Variants in ABI1 observed in about 807,000 individuals in gnomAD.
ABI1 encodes the protein Abelson interactor 1.
In ABI1, 14 loss-of-function variants were observed where a neutral mutation model predicts 54.6. The ratio of observed to expected loss-of-function variants is 0.26; its 90% CI spans 0.17 to 0.40. The LOEUF is 0.40. Among genes scored for constraint, ABI1 ranks in the 10% least tolerant of loss-of-function variants. ABI1 has a pLI of 1.00. For missense variants in ABI1, 443 were observed against 598.3 expected (o/e 0.74, Z 2.71); for synonymous variants, 194 against 209.3 (o/e 0.93, Z 0.63).
At chr10:26,790,037 TG>T (rs1404569527) in intron 2 of ABI1, among the ~76,000 whole-genome samples, 1 of 152,250 alleles carries the variant, frequency 6.6e-6, no homozygotes, top group East Asian at 1.9e-4. Context: ...CTATCACTGA[TG>T]GGACATTTAG....
At chr10:26,832,511 G>A (rs1213536535) in intron 1 of ABI1, among the ~76,000 whole-genome samples, 2 of 152,052 alleles carry the variant, frequency 1.3e-5, no homozygotes, top group Non-Finnish European at 2.9e-5. Flanking sequence ...GTGAACCCAG[G>A]AGGCGGAGCT....
In ABI1 at chr10:26,860,370, G is replaced by T. The variant is rs917359687; in HGVS notation, c.117+377C>A. Among the ~76,000 whole-genome samples the T allele has an allele frequency of 6.6e-6, 1 of 152,068 alleles. No individual in the cohort carries two copies. The highest frequency in any genetic ancestry group is 6.5e-5 in the Admixed American group (1 of 15,274). On this transcript the variant is annotated intron_variant, in intron 1 of 10. Transcript: ENST00000376140. This position sits in a 1 kb window ranked among gnomAD's most constrained non-coding sequence, Gnocchi z 4.1. ...AGAGAGGCGGCGCGGCGGCAGCTCG[G>T]GGGTATTCCGGGACTCCAGCCCTGC...
chr10:26,832,230 T>C (rs1480068129), intron 1 of ABI1, among the ~76,000 whole-genome samples: 1 of 152,190 alleles, frequency 6.6e-6, no homozygotes, highest in African/African-American at 2.4e-5. Context: ...GGGCAGTTAC[T>C]AGAATTCATG....
intron 1 of ABI1, among the ~76,000 whole-genome samples, chr10:26,855,954 G>A (rs1478296781): frequency 1.6e-5 from 2 of 122,980 alleles, no homozygotes; most frequent in Non-Finnish European, 1.6e-5. Flanking sequence ...CTGGGTGACA[G>A]AGCAAGACTC....
At chr10:26,770,452 C>G in intron 4 of ABI1, 107 bp from the exon 5 acceptor site, 1 of 1,134,404 alleles carries the variant, frequency 8.8e-7, no homozygotes, top group Non-Finnish European at 1.3e-6. Flanking sequence ...TTAAGGATTC[C>G]CAGACAGTTT....
In ABI1 at chr10:26,858,454, CT is replaced by C. The variant is rs375525589; in HGVS notation, c.117+2292del. On this transcript the variant is annotated intron_variant, in intron 1 of 10. Coordinates refer to ENST00000376140, the MANE Select transcript of ABI1 (RefSeq NM_001012750.3). ...AGATAATCATTGCTTTGCGTGAATT[CT>C]TTTTTTTTTTTTCCAATATGAACAA... Among the ~76,000 whole-genome samples, 277 of 117,970 alleles carry C rather than the reference CT, an allele frequency of 2.3e-3. 1 individual carries two copies. The highest frequency in any genetic ancestry group is 3.6e-3 in the African/African-American group (115 of 32,308). 77.4% of individuals were successfully genotyped at this position (117,970 alleles called of 152,430 possible). A position where few individuals can be genotyped will look rare whatever the true frequency, so the allele number is the denominator to read the frequency against.
intron 1 of ABI1, among the ~76,000 whole-genome samples, chr10:26,832,309 G>T (rs929156601): frequency 6.6e-6 from 1 of 152,132 alleles, no homozygotes; most frequent in African/African-American, 2.4e-5. Flanking sequence ...TTGGCCGGGC[G>T]CAGTGGCTCA....
rs541082889 is a variant in ABI1, at chr10:26,773,798, A to G, written c.463-2709T>C. On this transcript the variant is annotated intron_variant, in intron 3 of 10. Coordinates refer to ENST00000376140, the MANE Select transcript of ABI1 (RefSeq NM_001012750.3). ...ACAATTAACTTCTAACCAATCAAAT[A>G]TTTTGCTTGTCTTGCTTTCTTGAAC... is the stretch of plus-strand genomic sequence containing the variant. Among the ~76,000 whole-genome samples the G allele has an allele frequency of 2.6e-5, 4 of 152,084 alleles. No homozygotes were observed. The South Asian group carries it at 8.3e-4, about 31-fold the overall frequency.
intron 7 of ABI1, among the ~76,000 whole-genome samples, chr10:26,765,013 T>C (rs1338866698): frequency 6.6e-6 from 1 of 151,230 alleles, no homozygotes; most frequent in Admixed American, 6.6e-5. Flanking sequence ...ATGCAGTATA[T>C]ATAAGGAGAA....
intron 2 of ABI1, among the ~76,000 whole-genome samples, chr10:26,783,043 G>C (rs7091364): frequency 0.23 from 35,240 of 152,048 alleles, 4,650 homozygotes; most frequent in African/African-American, 0.35. Context: ...GCCAAAAGAT[G>C]AAAGTAACCC....
chr10:26,844,952 C>A (rs2049861983), intron 1 of ABI1, among the ~76,000 whole-genome samples: 1 of 152,176 alleles, frequency 6.6e-6, no homozygotes, highest in South Asian at 2.1e-4. Context: ...CTTCTCCAAT[C>A]CATCCCGTAC....
At chr10:26,831,522 G>A (rs1045900186) in intron 1 of ABI1, among the ~76,000 whole-genome samples, 5 of 151,992 alleles carry the variant, frequency 3.3e-5, no homozygotes, top group African/African-American at 1.2e-4. Context: ...CAGCCTGGGC[G>A]ACAAAGCGAG....
intron 6 of ABI1, among the ~76,000 whole-genome samples, chr10:26,768,415 G>A (rs112375155): frequency 2.3e-4 from 35 of 151,626 alleles, no homozygotes; most frequent in African/African-American, 8.0e-4. Flanking sequence ...GCTCAGGCCT[G>A]TAATCCCAGC....
intron 2 of ABI1, among the ~76,000 whole-genome samples, chr10:26,810,730 A>G (rs926410668): frequency 1.3e-5 from 2 of 152,172 alleles, no homozygotes; most frequent in Admixed American, 1.3e-4. Context: ...GGACCCCTGC[A>G]CTAGATTAAC....
rs1352697355 is a variant in ABI1 at position 26,843,467 on chromosome 10, AAAAAAAAAAAAAAAAAAAATATAT to A, written c.117+17256_117+17279del. On this transcript the variant is annotated intron_variant, in intron 1 of 10. Transcript: ENST00000376140. ...AGACTCCGTCTCAAAAAAAAAAAAA[AAAAAAAAAAAAAAAAAAAATATAT>A]ATATATATATATATATATATATATG... 3.7e-3 allele frequency among the ~76,000 whole-genome samples: 308 copies of A among 82,210 alleles called. 2 individuals carry two copies. Among genetic ancestry groups the A allele is most frequent in the East Asian group, 0.03 (69 of 2,308 alleles). 53.9% of individuals were successfully genotyped at this position (82,210 alleles called of 152,430 possible).
intron 1 of ABI1, among the ~76,000 whole-genome samples, chr10:26,833,351 T>C (rs1424672421): frequency 6.6e-6 from 1 of 152,216 alleles, no homozygotes; most frequent in African/African-American, 2.4e-5. Flanking sequence ...CCCCAGGGTA[T>C]TCCCAATAAC....
intron 7 of ABI1, chr10:26,764,106 C>A (rs1839598936): frequency 3.8e-6 from 2 of 524,950 alleles, no homozygotes; most frequent in Admixed American, 3.6e-5. Flanking sequence ...GAATTTTGTA[C>A]ATAAAGAGGC....
At chr10:26,835,233 A>C (rs1425426979) in intron 1 of ABI1, among the ~76,000 whole-genome samples, 1 of 152,130 alleles carries the variant, frequency 6.6e-6, no homozygotes, top group African/African-American at 2.4e-5. Flanking sequence ...GTTGGTTGAA[A>C]TGTAAATTAG....
chr10:26,756,370 T>G (rs1463864686), intron 8 of ABI1, among the ~76,000 whole-genome samples: 1 of 152,178 alleles, frequency 6.6e-6, no homozygotes, highest in East Asian at 1.9e-4. Flanking sequence ...GGCAATTTTA[T>G]GTTTAAAAAT....
Sources: allele counts gnomAD v4.1 joint callset (sites outside exome capture counted in the v4.1 genomes callset), GRCh38; gene constraint gnomAD v4.1.1; non-coding constraint Gnocchi (gnomAD v3.1); transcripts MANE v1.5; gene names NCBI Gene and HGNC (gene_info 2026-07-23, HGNC 2026-07-21).